The following LMO1 variants were observed in gnomAD, a reference collection of about 807,000 sequenced individuals.
LMO1 encodes the protein LIM domain only 1.
Under a neutral mutation model 18.0 loss-of-function variants are expected in LMO1, and 10 were observed. The ratio of observed to expected loss-of-function variants is 0.55; its 90% CI spans 0.34 to 0.94. The LOEUF is 0.94. LMO1 is among the 40% of genes least tolerant of loss of function. LMO1 has a pLI of 0.02. For synonymous variants in LMO1, 77 were observed against 77.9 expected (o/e 0.99, Z 0.06); for missense variants, 183 against 205.7 (o/e 0.89, Z 0.68).
chr11:8,234,449 C>T (rs1490141393), intron 1 of LMO1, among the ~76,000 whole-genome samples: 2 of 152,178 alleles, frequency 1.3e-5, no homozygotes, highest in African/African-American at 4.8e-5. Flanking sequence ...TGTCCCAGCC[C>T]AGCTGCCCCT....
At chr11:8,251,763 T>A (rs1846997807) in intron 1 of LMO1, among the ~76,000 whole-genome samples, 1 of 149,124 alleles carries the variant, frequency 6.7e-6, no homozygotes, top group African/African-American at 2.5e-5. Flanking sequence ...GGTATGTGTG[T>A]GTGGTGTGTG....
At chr11:8,230,184 A>C (rs1235960344) in intron 2 of LMO1, 107 bp downstream of exon 2, 1 of 955,106 alleles carries the variant, frequency 1.0e-6, no homozygotes, top group Non-Finnish European at 1.6e-6. Context: ...ATGAGAGGAC[A>C]CACAGGGTAC....
At chr11:8,242,199 G>A (rs955900356) in intron 1 of LMO1, among the ~76,000 whole-genome samples, 1 of 152,200 alleles carries the variant, frequency 6.6e-6, no homozygotes, top group East Asian at 1.9e-4. Flanking sequence ...CTCCAGCTGA[G>A]GAACAACAGC....
chr11:8,240,096 C>T (rs1846758905), intron 1 of LMO1, among the ~76,000 whole-genome samples: 1 of 121,852 alleles, frequency 8.2e-6, no homozygotes, highest in South Asian at 3.9e-4. Flanking sequence ...ATCTTTTCTC[C>T]AAGCAATGGG....
At chr11:8,257,843 C>T (rs555220547) in intron 1 of LMO1, among the ~76,000 whole-genome samples, 1 of 152,362 alleles carries the variant, frequency 6.6e-6, no homozygotes, top group East Asian at 1.9e-4. Flanking sequence ...CCAGTGCTTG[C>T]CAGCAAACAA....
At chr11:8,264,130 T>G (rs1158401192), upstream of LMO1, among the ~76,000 whole-genome samples, 2 of 152,062 alleles carry the variant, frequency 1.3e-5, no homozygotes, top group Non-Finnish European at 2.9e-5. Context: ...AGAGCAATAT[T>G]TCTCTGATCA....
At chr11:8,238,063 A>G (rs1173166673) in intron 1 of LMO1, among the ~76,000 whole-genome samples, 1 of 152,254 alleles carries the variant, frequency 6.6e-6, no homozygotes, top group Admixed American at 6.5e-5. Flanking sequence ...TCCTAGGTAT[A>G]TGCCCAACAG....
At chr11:8,242,285 T>C (rs1846808779) in intron 1 of LMO1, among the ~76,000 whole-genome samples, 1 of 152,216 alleles carries the variant, frequency 6.6e-6, no homozygotes, top group African/African-American at 2.4e-5. Context: ...CTGCCTCCAC[T>C]GCGTGCCTCC....
intron 1 of LMO1, among the ~76,000 whole-genome samples, chr11:8,238,398 G>A (rs868648685): frequency 5.9e-5 from 9 of 152,206 alleles, no homozygotes; most frequent in East Asian, 1.9e-4. Flanking sequence ...GAGGATGGGC[G>A]CGGTGGCTCA....
In LMO1 at chr11:8,226,877, G is replaced by T; in HGVS notation, c.365+98C>A. The T allele has an allele frequency of 4.8e-6, 7 of 1,467,314 alleles. No individual in the cohort carries two copies. The South Asian group carries it at 6.9e-5, about 14-fold the overall frequency. The allele number at this position is 1,467,314 out of a possible 1,614,324, so 90.9% of individuals were successfully genotyped here. A position where few individuals can be genotyped will look rare whatever the true frequency, so the allele number is the denominator to read the frequency against. On this transcript the variant is annotated intron_variant, in intron 3 of 3. Transcript: ENST00000335790. ...ACCACCACATACACACACGCAACCC[G>T]CATTTGCGTGCACGCCTCCGCCGTG...
chr11:8,247,834 G>A (rs1846921784), intron 1 of LMO1, among the ~76,000 whole-genome samples: 1 of 152,252 alleles, frequency 6.6e-6, no homozygotes, highest in Non-Finnish European at 1.5e-5. Flanking sequence ...AAAGTTCTAT[G>A]AGGCCCAGGG....
upstream of LMO1, chr11:8,263,934 T>A: frequency 1.0e-6 from 1 of 957,668 alleles, no homozygotes; most frequent in Non-Finnish European, 1.3e-6. Flanking sequence ...GCCTCCACCC[T>A]CCCGGGTTAA....
chr11:8,259,527 G>T (rs951495747), intron 1 of LMO1, among the ~76,000 whole-genome samples: 5 of 152,202 alleles, frequency 3.3e-5, no homozygotes, highest in East Asian at 1.9e-4. Flanking sequence ...TGCACAATTT[G>T]GTCCCCACCC....
intron 2 of LMO1, among the ~76,000 whole-genome samples, chr11:8,229,159 G>A (rs1441785405): frequency 2.0e-5 from 3 of 152,050 alleles, no homozygotes; most frequent in Non-Finnish European, 4.4e-5. Context: ...AAGTGCTGGA[G>A]TTACAGGCAT....
intron 1 of LMO1, among the ~76,000 whole-genome samples, chr11:8,249,351 C>A (rs925366722): frequency 1.3e-5 from 2 of 152,180 alleles, no homozygotes; most frequent in Non-Finnish European, 2.9e-5. Flanking sequence ...AAGAACCCCT[C>A]CCTCCCCATC....
At chr11:8,254,664 GC>G (rs1301978010) in intron 1 of LMO1, among the ~76,000 whole-genome samples, 1 of 151,102 alleles carries the variant, frequency 6.6e-6, no homozygotes, top group Non-Finnish European at 1.5e-5. Context: ...GGCTCCCATG[GC>G]AGCCCCACTC....
At chr11:8,264,256 C>G (rs892794997), upstream of LMO1, among the ~76,000 whole-genome samples, 2 of 152,102 alleles carry the variant, frequency 1.3e-5, no homozygotes, top group Admixed American at 6.5e-5. Context: ...CAGCACTACT[C>G]CTGACCCCAG....
intron 1 of LMO1, among the ~76,000 whole-genome samples, chr11:8,260,663 T>A (rs1847170723): frequency 6.6e-6 from 1 of 152,188 alleles, no homozygotes; most frequent in Admixed American, 6.5e-5. Flanking sequence ...TATTTTATTA[T>A]CTTTCAGAAG....
chr11:8,230,819 G>A (rs1257561305), intron 1 of LMO1, among the ~76,000 whole-genome samples: 1 of 152,178 alleles, frequency 6.6e-6, no homozygotes, highest in Non-Finnish European at 1.5e-5. Flanking sequence ...TATCCCCTGT[G>A]CGGTCTCATC....
Sources: gnomAD v4.1 joint callset for allele counts (sites outside exome capture counted in the v4.1 genomes callset) on GRCh38, gnomAD v4.1.1 for gene constraint, MANE v1.5 for transcripts, NCBI Gene and HGNC (gene_info 2026-07-23, HGNC 2026-07-21) for gene names.